C12orf42: variants seen among roughly 807,000 people sequenced by gnomAD.
The protein encoded by C12orf42 is chromosome 12 open reading frame 42.
Under a neutral mutation model 21.6 loss-of-function variants are expected in C12orf42, and 25 were observed. The ratio of observed to expected loss-of-function variants is 1.16; its 90% CI spans 0.84 to 1.62. The LOEUF is 1.62. Among genes scored for constraint, C12orf42 ranks in the 40% most tolerant of loss-of-function variants. The pLI, the probability that C12orf42 is intolerant of heterozygous loss-of-function variation, is 0.00. For synonymous variants in C12orf42, 174 were observed against 175.0 expected (o/e 0.99, Z 0.05); for missense variants, 483 against 459.3 (o/e 1.05, Z -0.47).
the C12orf42 span, among the ~76,000 whole-genome samples, chr12:103,156,959 G>A: frequency 6.6e-6 from 1 of 152,022 alleles, no homozygotes; most frequent in Non-Finnish European, 1.5e-5. Context: ...CTTTATAGTA[G>A]AATGATTTAT....
chr12:103,077,679 T>C, the C12orf42 span, among the ~76,000 whole-genome samples: 5 of 152,262 alleles, frequency 3.3e-5, no homozygotes, highest in East Asian at 7.7e-4. Flanking sequence ...AGAGATCTGG[T>C]GCCAGGCAGT....
At chr12:103,309,609 C>T (rs926956783) in intron 4 of C12orf42, among the ~76,000 whole-genome samples, 1 of 151,486 alleles carries the variant, frequency 6.6e-6, no homozygotes, top group African/African-American at 2.4e-5. Context: ...TCATTAATAC[C>T]AGCTCTTTTC....
At chr12:103,196,174 T>C in the C12orf42 span, among the ~76,000 whole-genome samples, 50 of 152,310 alleles carry the variant, frequency 3.3e-4, no homozygotes, top group African/African-American at 1.2e-3. Context: ...CTTTCTTCCT[T>C]AATTTCATTA....
At chr12:103,163,141 C>T in the C12orf42 span, among the ~76,000 whole-genome samples, 1 of 152,138 alleles carries the variant, frequency 6.6e-6, no homozygotes, top group Non-Finnish European at 1.5e-5. Flanking sequence ...AAGAATTTTA[C>T]TAGTTGAACA....
At chr12:103,193,507 T>C in the C12orf42 span, among the ~76,000 whole-genome samples, 1 of 151,206 alleles carries the variant, frequency 6.6e-6, no homozygotes, top group East Asian at 1.9e-4. Context: ...AATATGAAAT[T>C]AAAAAGGGGA....
the C12orf42 span, among the ~76,000 whole-genome samples, chr12:103,155,699 CTTGTATAT>C: frequency 6.7e-6 from 1 of 149,208 alleles, no homozygotes; most frequent in Non-Finnish European, 1.5e-5. Context: ...TATACACATA[CTTGTATAT>C]ATACATATAC....
chr12:103,407,296 T>C (rs563296424), intron 2 of C12orf42, among the ~76,000 whole-genome samples: 1 of 152,306 alleles, frequency 6.6e-6, no homozygotes, highest in Non-Finnish European at 1.5e-5. Flanking sequence ...CAACTAGTAT[T>C]CTGTTTAAAT....
chr12:103,287,188 G>A lies in C12orf42; in HGVS notation n.338-9978C>T, dbSNP rs1440233812. On this transcript the variant is annotated intron_variant and non_coding_transcript_variant, in intron 4 of 6. Transcript: ENST00000546526. ...GGAACTAGAAGTACCATTTGACCCAGCCATCCCATTACTGGGTATATACCC... is the reference window on the plus strand; with the variant it reads ...GGAACTAGAAGTACCATTTGACCCAACCATCCCATTACTGGGTATATACCC... Among the ~76,000 whole-genome samples the A allele has an allele frequency of 8.5e-5, 13 of 152,310 alleles. 1 individual carries two copies. The South Asian group carries it at 2.1e-3, about 24-fold the overall frequency.
upstream of C12orf42, among the ~76,000 whole-genome samples, chr12:103,500,679 G>T (rs1408161775): frequency 1.3e-5 from 2 of 152,230 alleles, no homozygotes; most frequent in Non-Finnish European, 2.9e-5. Flanking sequence ...AAAAGAGTGG[G>T]TATTGTGTTG....
chr12:103,152,672 A>C, the C12orf42 span, among the ~76,000 whole-genome samples: 3 of 151,946 alleles, frequency 2.0e-5, no homozygotes, highest in Non-Finnish European at 4.4e-5. Flanking sequence ...AACGACAATA[A>C]TTTTTTTTCT....
the C12orf42 span, among the ~76,000 whole-genome samples, chr12:103,193,147 G>A: frequency 2.0e-5 from 3 of 151,164 alleles, no homozygotes; most frequent in Admixed American, 2.0e-4. Flanking sequence ...ATAACCAATG[G>A]GTCAAAGAAT....
chr12:103,335,946 T>G (rs558606427), intron 4 of C12orf42, among the ~76,000 whole-genome samples: 1 of 152,360 alleles, frequency 6.6e-6, no homozygotes, highest in Admixed American at 6.5e-5. Flanking sequence ...CCCTCTAGAC[T>G]ATAAACGCCC....
At chr12:103,201,536 C>T in the C12orf42 span, among the ~76,000 whole-genome samples, 1 of 152,142 alleles carries the variant, frequency 6.6e-6, no homozygotes, top group Non-Finnish European at 1.5e-5. Flanking sequence ...GCTCATGAGG[C>T]ACCCACTTAT....
the C12orf42 span, among the ~76,000 whole-genome samples, chr12:103,170,899 C>T: frequency 6.6e-6 from 1 of 152,132 alleles, no homozygotes; most frequent in African/African-American, 2.4e-5. Context: ...TAGTGCAACT[C>T]TTTCAGTCTG....
At chr12:103,172,176 T>A in the C12orf42 span, among the ~76,000 whole-genome samples, 2 of 151,904 alleles carry the variant, frequency 1.3e-5, no homozygotes, top group Non-Finnish European at 2.9e-5. Context: ...ATAAGACAGG[T>A]CTCCTGCTTT....
the C12orf42 span, among the ~76,000 whole-genome samples, chr12:103,120,593 C>T: frequency 6.6e-6 from 1 of 151,938 alleles, no homozygotes; most frequent in East Asian, 1.9e-4. Context: ...CCATGCTTCA[C>T]TTTTCTTATC....
At chr12:103,145,133 C>T in the C12orf42 span, among the ~76,000 whole-genome samples, 1 of 152,104 alleles carries the variant, frequency 6.6e-6, no homozygotes, top group Admixed American at 6.6e-5. Flanking sequence ...GGAGAGTCCC[C>T]GTCTCCCCAA....
At chr12:103,499,048 TAACTC>T (rs1207646505), upstream of C12orf42, among the ~76,000 whole-genome samples, 2 of 151,870 alleles carry the variant, frequency 1.3e-5, no homozygotes, top group East Asian at 1.9e-4. Context: ...AAAAAAGTCT[TAACTC>T]ACACAAGCAG....
chr12:103,407,581 A>C (rs970815493), intron 2 of C12orf42, among the ~76,000 whole-genome samples: 4 of 152,232 alleles, frequency 2.6e-5, no homozygotes, highest in Non-Finnish European at 4.4e-5. Flanking sequence ...TATATAATAC[A>C]CGTAACATAC....
Sources: allele counts gnomAD v4.1 joint callset (sites outside exome capture counted in the v4.1 genomes callset), GRCh38; gene constraint gnomAD v4.1.1; transcripts MANE v1.5; gene names NCBI Gene and HGNC (gene_info 2026-07-23, HGNC 2026-07-21).